The following GSTZ1 variants were observed in gnomAD, a reference collection of about 807,000 sequenced individuals.
GSTZ1 encodes glutathione S-transferase zeta 1.
GSTZ1 carries 34 observed loss-of-function variants against 35.9 expected under a neutral mutation model. The ratio of observed to expected loss-of-function variants is 0.95; its 90% confidence interval spans 0.72 to 1.26. The LOEUF (loss-of-function observed/expected upper bound fraction) is 1.26, where lower values mean the gene tolerates loss of function less well. GSTZ1 is among the 50% of genes most tolerant of loss of function. GSTZ1 has a pLI of 0.00. For synonymous variants in GSTZ1, 93 were observed against 101.2 expected (o/e 0.92, Z 0.49); for missense variants, 263 against 271.7 (o/e 0.97, Z 0.23).
chr14:77,321,190 G>C lies in GSTZ1; in HGVS notation c.15+7G>C. 1 of 1,482,808 alleles carries C rather than the reference G, an allele frequency of 6.7e-7. No individual in the cohort carries two copies. The highest frequency in any genetic ancestry group is 9.0e-7 in the Non-Finnish European group (1 of 1,108,998). 91.9% of individuals were successfully genotyped at this position (1,482,808 alleles called of 1,614,324 possible). ...CCAGATGCAGGCGGGGAAGGTCTGT[G>C]ACGCGCACCCGGGTGGAGGGAAGCT... On this transcript the variant is annotated splice_region_variant and intron_variant, in intron 1 of 8. Coordinates refer to ENST00000216465, the MANE Select transcript of GSTZ1 (RefSeq NM_145870.3).
chr14:77,329,738 A>G lies in GSTZ1; in HGVS notation c.422-17A>G. 1.2e-6 allele frequency: 2 copies of G among 1,608,498 alleles called. No individual in the cohort carries two copies. Among genetic ancestry groups the G allele is most frequent in the Non-Finnish European group, 1.7e-6 (2 of 1,174,894 alleles). ...TCCCTGCGCCCAGAATAAGATGTTT[A>G]TGTGGCCTCCCCACAGCCCTGGAGC... On this transcript the variant is annotated splice_polypyrimidine_tract_variant and intron_variant, in intron 6 of 8. Transcript: ENST00000216465.
At chr14:77,323,231 C>G (rs1036597664) in intron 1 of GSTZ1, 7 of 152,196 alleles carry the variant, frequency 4.6e-5, no homozygotes, top group African/African-American at 1.7e-4. Flanking sequence ...GGCCATTAGT[C>G]TGTTCCCATC....
At chr14:77,330,243 C>A (rs775476951) in intron 7 of GSTZ1, 67 bp from the exon 8 acceptor site, 2 of 1,092,174 alleles carry the variant, frequency 1.8e-6, no homozygotes, top group Non-Finnish European at 2.8e-6. Flanking sequence ...TCGCAGTGGA[C>A]ACACCCAGTC....
At chr14:77,324,981 C>A in intron 2 of GSTZ1, 60 bp downstream of exon 2, 1 of 1,421,564 alleles carries the variant, frequency 7.0e-7, no homozygotes, top group Non-Finnish European at 1.0e-6. Flanking sequence ...GGCGGATAAG[C>A]CCGGGTGCAA....
intron 1 of GSTZ1, chr14:77,321,384 A>T (rs1354793574): frequency 5.2e-6 from 8 of 1,530,066 alleles, no homozygotes; most frequent in Non-Finnish European, 6.1e-6. Flanking sequence ...GGGCCAGAGG[A>T]GGCGGTCCTG....
intron 1 of GSTZ1, chr14:77,324,562 C>T: frequency 1.3e-6 from 2 of 1,527,164 alleles, no homozygotes; most frequent in Non-Finnish European, 1.8e-6. Flanking sequence ...GAAGCTGTGC[C>T]AGAGGGGACA....
rs1891899896 is a variant in GSTZ1, at chr14:77,321,074, G to A, written c.-95G>A. The A allele has an allele frequency of 3.2e-6, 4 of 1,265,676 alleles. No individual in the cohort carries two copies. In the South Asian group the frequency reaches 6.3e-5, roughly 20 times the overall value. The allele number at this position is 1,265,676 out of a possible 1,614,324, so 78.4% of individuals were successfully genotyped here. On this transcript the variant is annotated 5_prime_UTR_variant, in exon 1 of 9. Transcript: ENST00000216465. The stretch of plus-strand genomic sequence containing the variant: ...TCGCTTTACCCGGACGAAAGACACG[G>A]GCCTGATTCGTCGAGTCTCACTGAG...
At chr14:77,324,393 C>A in intron 1 of GSTZ1, 1 of 600,550 alleles carries the variant, frequency 1.7e-6, no homozygotes, top group Non-Finnish European at 3.0e-6. Flanking sequence ...ATGATCCACC[C>A]ACCTTGGCTC....
chr14:77,330,314 C>A lies in GSTZ1; in HGVS notation c.479C>A (p.Thr160Asn). 6.2e-7 allele frequency: 1 copy of A among 1,613,168 alleles called. No individual in the cohort carries two copies. The highest frequency in any genetic ancestry group is 1.1e-5 in the South Asian group (1 of 91,064). ...ACCCACCGGGACCTCTTTCAGGTGA[C>A]CATGGCTGATCTGTGCTTGGTGCCT... Reference protein sequence around the residue: ...AGIYCVGDEVTMADLCLVPQV... With the variant: ...AGIYCVGDEVNMADLCLVPQV... The change falls in exon 8 of 9, where the codon ACC (threonine) becomes AAC (asparagine). Residue 160 changes from threonine (T) to asparagine (N), a missense_variant. Physicochemically the swap from Thr to Asn is moderately conservative, Grantham distance 65. Coordinates refer to ENST00000216465, the MANE Select transcript of GSTZ1 (RefSeq NM_145870.3).
At chr14:77,326,485 G>T (rs374442314) in intron 2 of GSTZ1, 1 of 212,046 alleles carries the variant, frequency 4.7e-6, no homozygotes, top group African/African-American at 2.3e-5. Context: ...GCCCTGGGGG[G>T]GCAGAGTTAA....
At chr14:77,328,083 T>TA (rs1353022496) in intron 5 of GSTZ1, 46 bp downstream of exon 5, 3 of 1,606,030 alleles carry the variant, frequency 1.9e-6, no homozygotes, top group African/African-American at 1.3e-5. Context: ...GACACACTCT[T>TA]ACACTCACAC....
chr14:77,322,173 G>A (rs1190138105), intron 1 of GSTZ1, among the ~76,000 whole-genome samples: 3 of 152,198 alleles, frequency 2.0e-5, no homozygotes, highest in Admixed American at 2.0e-4. Context: ...GATTTTAGGA[G>A]TCTTTTTCTC....
At chr14:77,326,971 A>T in intron 3 of GSTZ1, 66 bp downstream of exon 3, 1 of 1,080,864 alleles carries the variant, frequency 9.3e-7, no homozygotes. Flanking sequence ...CAGGCAGGGG[A>T]AAAAGGGGAG....
rs1892610108 is a variant in GSTZ1, at chr14:77,331,153, CCCCTG to C, written c.612_616del (p.Cys205AlafsTer7). 1 of 1,613,990 alleles carries C rather than the reference CCCCTG, an allele frequency of 6.2e-7. No individual in the cohort carries two copies. Among genetic ancestry groups the C allele is most frequent in the Admixed American group, 1.7e-5 (1 of 60,012 alleles). ...TCTTGGAGGCCTTCCAGGTGTCTCA[CCCCTG>C]CCGGCAGCCAGATACACCCACTGAG... is the stretch of plus-strand genomic sequence containing the variant. On this transcript the variant is annotated frameshift_variant, in exon 9 of 9. Coordinates refer to ENST00000216465, the MANE Select transcript of GSTZ1 (RefSeq NM_145870.3). LOFTEE classifies it high-confidence loss of function.
Position 77,331,204 on chromosome 14 carries a change from T to C in GSTZ1, c.*9T>C, listed in dbSNP as rs1646863528. On this transcript the variant is annotated 3_prime_UTR_variant, in exon 9 of 9. Coordinates refer to ENST00000216465, the MANE Select transcript of GSTZ1 (RefSeq NM_145870.3). Reference sequence around the variant, plus strand: ...CTGAGCTGAGGGCCTAGCTCCCAAATCCTGCCCCGTTGGCACAGGGCCACA... The same window carrying C: ...CTGAGCTGAGGGCCTAGCTCCCAAACCCTGCCCCGTTGGCACAGGGCCACA... The C allele has an allele frequency of 4.3e-6, 7 of 1,609,866 alleles. No individual in the cohort carries two copies. In the African/African-American group the frequency reaches 9.4e-5, roughly 22 times the overall value.
At chr14:77,322,687 T>C in intron 1 of GSTZ1, 1 of 985,464 alleles carries the variant, frequency 1.0e-6, no homozygotes, top group South Asian at 4.7e-5. Context: ...TTTCTGCCCA[T>C]CACCTGCTTT....
At chr14:77,328,141 A>T in intron 5 of GSTZ1, 104 bp downstream of exon 5, 108 of 1,066,604 alleles carry the variant, frequency 1.0e-4, no homozygotes, top group Non-Finnish European at 1.4e-4. Flanking sequence ...CAAGGGAGGG[A>T]GGGGGATTCT....
Position 77,326,870 on chromosome 14 carries a change from GTGCCCA to G in GSTZ1, c.102_107del (p.Pro35_Ile36del). On this transcript the variant is annotated inframe_deletion, in exon 3 of 9. Transcript: ENST00000216465. Reference sequence around the variant, plus strand: ...CTTGAAAGGCATCGACTACGAGACGGTGCCCATCAATCTCATAAAGGATGGGGGCCA... The same window carrying G: ...CTTGAAAGGCATCGACTACGAGACGGTCAATCTCATAAAGGATGGGGGCCA... The G allele has an allele frequency of 6.2e-7, 1 of 1,607,344 alleles. No homozygotes were observed. Among genetic ancestry groups the G allele is most frequent in the South Asian group, 1.1e-5 (1 of 89,674 alleles).
intron 1 of GSTZ1, chr14:77,321,480 C>T (rs1051669962): frequency 2.0e-6 from 3 of 1,479,350 alleles, no homozygotes; most frequent in Non-Finnish European, 2.7e-6. Context: ...ACAGACCCCT[C>T]CCTCCACTAA....
Sources: allele counts gnomAD v4.1 joint callset (sites outside exome capture counted in the v4.1 genomes callset), GRCh38; gene constraint gnomAD v4.1.1; transcripts MANE v1.5; gene names NCBI Gene and HGNC (gene_info 2026-07-23, HGNC 2026-07-21).